The following TRMT13 variants were observed in gnomAD, a reference collection of about 807,000 sequenced individuals.
The protein encoded by TRMT13 is tRNA methyltransferase 13.
TRMT13 carries 45 observed loss-of-function variants against 55.9 expected under a neutral mutation model. That is an observed-to-expected ratio of 0.80 (90% CI 0.63 to 1.03). The LOEUF (loss-of-function observed/expected upper bound fraction) is 1.03. Among genes scored for constraint, TRMT13 ranks in the 50% least tolerant of loss-of-function variants. The probability of loss-of-function intolerance (pLI) is 0.00; values close to 1 mark genes in which losing one functional copy is unlikely to be tolerated. For synonymous variants in TRMT13, 183 were observed against 196.3 expected (o/e 0.93, Z 0.57); for missense variants, 513 against 563.9 (o/e 0.91, Z 0.91).
At chr1:100,148,559 A>C in intron 10 of TRMT13, 66 bp from the exon 11 acceptor site, 1 of 1,446,808 alleles carries the variant, frequency 6.9e-7, no homozygotes, top group Non-Finnish European at 9.5e-7. Flanking sequence ...AAATAGTGAC[A>C]AAAATAATTT....
intron 1 of TRMT13, among the ~76,000 whole-genome samples, chr1:100,133,820 C>T (rs1021673758): frequency 3.9e-5 from 6 of 152,134 alleles, no homozygotes; most frequent in Middle Eastern, 3.4e-3. Context: ...CCGAGGCGGG[C>T]GGATCACTTG....
At chr1:100,144,870 G>A (rs1251960117) in intron 9 of TRMT13, among the ~76,000 whole-genome samples, 1 of 152,100 alleles carries the variant, frequency 6.6e-6, no homozygotes, top group East Asian at 1.9e-4. Context: ...TACCCATATG[G>A]ATTACTTGGA....
Position 100,149,150 on chromosome 1 carries a change from A to C in TRMT13, c.*330A>C, listed in dbSNP as rs1657689544. 1 of 1,553,848 alleles carries C rather than the reference A, an allele frequency of 6.4e-7. No homozygotes were observed. The highest frequency in any genetic ancestry group is 1.2e-5 in the South Asian group (1 of 80,830). Reference sequence around the variant, plus strand: ...TAATTAGCGTATTTCTGTTTGTATTAATTTTGGAAATTTATCTTCCTTTGA... The same window carrying C: ...TAATTAGCGTATTTCTGTTTGTATTCATTTTGGAAATTTATCTTCCTTTGA... On this transcript the variant is annotated 3_prime_UTR_variant, in exon 11 of 11. Transcript: ENST00000370141.
At position 100,140,512 on chromosome 1, in the gene TRMT13, C is replaced by A. The variant is rs749886415; in HGVS notation, c.499C>A (p.Gln167Lys). Residue 167 changes from glutamine to lysine, a missense_variant and splice_region_variant, in exon 6 of 11, where the codon CAG (glutamine) becomes AAG (lysine). Gln to Lys is a moderately conservative substitution (Grantham distance 53). Around this residue, in one of 3 missense-constraint regions of TRMT13, gnomAD observed 298 missense variants for 290.3 expected, o/e 1.03. Coordinates refer to ENST00000370141, the MANE Select transcript of TRMT13 (RefSeq NM_019083.3). ...GDSATKHLKQ[Q>K]ASILGNIENL... is the part of the protein sequence containing the mutation. ...TTCTGCAACCAAGCACCTGAAACAG[C>A]AGGTATGTTTAGGCTATAGTAACTA... is the stretch of plus-strand genomic sequence containing the variant. The A allele has an allele frequency of 1.2e-6, 2 of 1,608,970 alleles. No homozygotes were observed. Among genetic ancestry groups the A allele is most frequent in the Non-Finnish European group, 1.7e-6 (2 of 1,175,476 alleles).
intron 1 of TRMT13, among the ~76,000 whole-genome samples, chr1:100,134,151 A>G (rs912150630): frequency 8.5e-5 from 13 of 152,208 alleles, no homozygotes; most frequent in African/African-American, 2.9e-4. Context: ...ATTTTTAAAT[A>G]TATACGAATT....
At chr1:100,136,153 A>G (rs905344885) in intron 1 of TRMT13, among the ~76,000 whole-genome samples, 3 of 152,214 alleles carry the variant, frequency 2.0e-5, no homozygotes, top group Non-Finnish European at 4.4e-5. Flanking sequence ...AAGTGATGTA[A>G]CTTAGGAATG....
intron 1 of TRMT13, 101 bp from the exon 2 acceptor site, chr1:100,136,781 T>A: frequency 2.6e-6 from 3 of 1,142,078 alleles, no homozygotes; most frequent in Admixed American, 5.3e-5. Flanking sequence ...AAGGTTTCCT[T>A]ACCTTGTTTT....
intron 1 of TRMT13, among the ~76,000 whole-genome samples, chr1:100,136,584 C>T (rs1434813273): frequency 2.0e-5 from 3 of 152,108 alleles, no homozygotes; most frequent in Non-Finnish European, 4.4e-5. Flanking sequence ...AATAGTCATA[C>T]ATATAATAGT....
intron 7 of TRMT13, among the ~76,000 whole-genome samples, chr1:100,141,970 G>A (rs1656693883): frequency 6.6e-6 from 1 of 152,220 alleles, no homozygotes. Flanking sequence ...GATGGGACTG[G>A]AGAGGATGGC....
chr1:100,134,140 G>A lies in TRMT13; in HGVS notation c.147+825G>A, dbSNP rs186931613. Among the ~76,000 whole-genome samples the A allele has an allele frequency of 2.7e-3, 418 of 152,230 alleles. 3 individuals carry two copies. Among genetic ancestry groups the A allele is most frequent in the African/African-American group, 9.5e-3 (396 of 41,542 alleles). ...CAACTTTGCTGGAATGGGAAGGAAA[G>A]ATTTTTAAATATATACGAATTGACC... On this transcript the variant is annotated intron_variant, in intron 1 of 10. Transcript: ENST00000370141.
chr1:100,145,506 A>G (rs1174355742), intron 9 of TRMT13, among the ~76,000 whole-genome samples: 1 of 151,852 alleles, frequency 6.6e-6, no homozygotes, highest in Non-Finnish European at 1.5e-5. Context: ...CTCTTTTGCG[A>G]TACTCTTATT....
At position 100,139,745 on chromosome 1, in the gene TRMT13, G is replaced by T. The variant is rs187743332; in HGVS notation, c.324+34G>T. Reference sequence around the variant, plus strand: ...ATTGACTTAATATTTAATTTTAAAAGATATTTATAAGCTCTCTTCATGATG... The same window carrying T: ...ATTGACTTAATATTTAATTTTAAAATATATTTATAAGCTCTCTTCATGATG... On this transcript the variant is annotated intron_variant, in intron 4 of 10. Transcript: ENST00000370141. 5.7e-3 allele frequency: 7,441 copies of T among 1,298,136 alleles called. 42 individuals are homozygous for T. The highest frequency in any genetic ancestry group is 0.016 in the Middle Eastern group (69 of 4,298). 80.4% of individuals were successfully genotyped at this position (1,298,136 alleles called of 1,614,324 possible).
At position 100,149,105 on chromosome 1, in the gene TRMT13, A is replaced by G; in HGVS notation, c.*285A>G. ...AACCGTTGACTTGGTGATCTGAAAC[A>G]TACATAACATGTCAACACATAATTA... On this transcript the variant is annotated 3_prime_UTR_variant, in exon 11 of 11. Coordinates refer to ENST00000370141, the MANE Select transcript of TRMT13 (RefSeq NM_019083.3). 6.3e-7 allele frequency: 1 copy of G among 1,597,960 alleles called. No homozygotes were observed. Among genetic ancestry groups the G allele is most frequent in the East Asian group, 2.3e-5 (1 of 44,150 alleles).
intron 1 of TRMT13, among the ~76,000 whole-genome samples, chr1:100,136,237 G>A (rs1465686390): frequency 6.6e-6 from 1 of 152,138 alleles, no homozygotes; most frequent in African/African-American, 2.4e-5. Context: ...AAAATGCCAT[G>A]TTCCATTGTT....
In TRMT13 at chr1:100,148,292, A is replaced by C; in HGVS notation, c.1216A>C (p.Arg406=). The C allele has an allele frequency of 6.2e-7, 1 of 1,613,992 alleles. No homozygotes were observed. Among genetic ancestry groups the C allele is most frequent in the South Asian group, 1.1e-5 (1 of 91,076 alleles). The part of the protein sequence containing the change: ...DSEEHDDGGY[R]ITDDGADCLP... ...TGAAGAGCATGATGATGGAGGATACAGAATCACAGATGATGGCGCTGATTG... is the reference window on the plus strand; with the variant it reads ...TGAAGAGCATGATGATGGAGGATACCGAATCACAGATGATGGCGCTGATTG... The change falls in exon 10 of 11, where the codon AGA becomes CGA. Residue 406 remains arginine (R), a synonymous_variant. Transcript: ENST00000370141.
At position 100,149,336 on chromosome 1, in the gene TRMT13, T is replaced by A. The variant is rs1657717251; in HGVS notation, c.*516T>A. 2.6e-6 allele frequency: 4 copies of A among 1,542,632 alleles called. No individual in the cohort carries two copies. The highest frequency in any genetic ancestry group is 3.5e-6 in the Non-Finnish European group (4 of 1,144,828). On this transcript the variant is annotated 3_prime_UTR_variant, in exon 11 of 11. Transcript: ENST00000370141. ...GCAGACAATTCAGAGATATTCACAA[T>A]TAATAAACACAATTAATTAATGAAG...
At chr1:100,148,541 C>G in intron 10 of TRMT13, 84 bp from the exon 11 acceptor site, 1 of 1,296,604 alleles carries the variant, frequency 7.7e-7, no homozygotes, top group South Asian at 1.3e-5. Context: ...AGTTAACAGT[C>G]TCTCAATAAA....
At chr1:100,141,464 G>A (rs1226180270) in intron 7 of TRMT13, among the ~76,000 whole-genome samples, 2 of 151,982 alleles carry the variant, frequency 1.3e-5, no homozygotes, top group Non-Finnish European at 2.9e-5. Flanking sequence ...TGAGTAGCTG[G>A]GACTATAGTC....
At position 100,148,913 on chromosome 1, in the gene TRMT13, A is replaced by G; in HGVS notation, c.*93A>G. The G allele has an allele frequency of 6.2e-6, 7 of 1,126,664 alleles. No homozygotes were observed. Among genetic ancestry groups the G allele is most frequent in the Non-Finnish European group, 8.2e-6 (7 of 851,854 alleles). 69.8% of individuals were successfully genotyped at this position (1,126,664 alleles called of 1,614,324 possible). On this transcript the variant is annotated 3_prime_UTR_variant, in exon 11 of 11. Transcript: ENST00000370141. Reference sequence around the variant, plus strand: ...AAAAAATATATACTTTAAATAGCAAATAATATGAACTTTAAAAAATGCTGT... The same window carrying G: ...AAAAAATATATACTTTAAATAGCAAGTAATATGAACTTTAAAAAATGCTGT...
Sources: gnomAD v4.1 joint callset for allele counts (sites outside exome capture counted in the v4.1 genomes callset) on GRCh38, gnomAD v4.1.1 for gene constraint, gnomAD v4.1.1 regional missense constraint, MANE v1.5 for transcripts, NCBI Gene and HGNC (gene_info 2026-07-23, HGNC 2026-07-21) for gene names.